Variants in CLSTN2 observed in about 807,000 individuals in gnomAD.
CLSTN2 encodes calsyntenin-2.
Under a neutral mutation model 101.2 loss-of-function variants are expected in CLSTN2, and 48 were observed. That is an observed-to-expected ratio of 0.47 (90% CI 0.38 to 0.60). The LOEUF is 0.60. Ranked by LOEUF, CLSTN2 falls within the 20% of genes least tolerant of loss-of-function variation. The pLI is 0.00. For synonymous variants in CLSTN2, 481 were observed against 463.6 expected (o/e 1.04, Z -0.48); for missense variants, 1,160 against 1,238.2 (o/e 0.94, Z 0.95).
chr3:140,028,570 T>C (rs764431089), intron 1 of CLSTN2, among the ~76,000 whole-genome samples: 12 of 152,030 alleles, frequency 7.9e-5, no homozygotes, highest in Non-Finnish European at 1.5e-4. Flanking sequence ...GAAAAGGAAT[T>C]TGGGGCAGAG....
intron 1 of CLSTN2, among the ~76,000 whole-genome samples, chr3:140,043,268 T>C (rs957181160): frequency 6.6e-6 from 1 of 152,238 alleles, no homozygotes; most frequent in African/African-American, 2.4e-5. Context: ...ATTTCTCTGA[T>C]GGCCAGTGAT....
intron 9 of CLSTN2, among the ~76,000 whole-genome samples, chr3:140,533,447 C>A (rs1392130585): frequency 6.6e-6 from 1 of 152,108 alleles, no homozygotes; most frequent in South Asian, 2.1e-4. Flanking sequence ...CAGTGGCTCA[C>A]GCCTGTAATC....
chr3:140,123,161 CAGGGCGGGGGGGTGG>C (rs1480098451), intron 1 of CLSTN2, among the ~76,000 whole-genome samples: 1 of 56,102 alleles, frequency 1.8e-5, no homozygotes, highest in African/African-American at 9.0e-5. Context: ...CTGTGTCCTC[CAGGGCGGGGGGGTGG>C]GGGGCGGGAC....
intron 1 of CLSTN2, among the ~76,000 whole-genome samples, chr3:139,989,658 A>G (rs1268305705): frequency 6.6e-6 from 1 of 152,154 alleles, no homozygotes; most frequent in Non-Finnish European, 1.5e-5. Flanking sequence ...ATCAATTGAG[A>G]TAATGTACTC....
chr3:140,039,999 T>G (rs996250049), intron 1 of CLSTN2, among the ~76,000 whole-genome samples: 3 of 152,218 alleles, frequency 2.0e-5, no homozygotes, highest in Admixed American at 6.5e-5. Flanking sequence ...GCTCTCATAT[T>G]AATTACAATT....
chr3:140,518,612 T>C (rs188583302), intron 8 of CLSTN2, among the ~76,000 whole-genome samples: 1 of 152,182 alleles, frequency 6.6e-6, no homozygotes, highest in Admixed American at 6.5e-5. Flanking sequence ...CAGGGGCAGA[T>C]GATTCCTTTT....
chr3:140,215,158 T>C (rs1361140702), intron 2 of CLSTN2, among the ~76,000 whole-genome samples: 1 of 152,102 alleles, frequency 6.6e-6, no homozygotes, highest in Non-Finnish European at 1.5e-5. Flanking sequence ...GGCTTTGCCG[T>C]CTTTCTCTCC....
chr3:140,124,961 T>G (rs1197484375), intron 1 of CLSTN2, among the ~76,000 whole-genome samples: 1 of 152,140 alleles, frequency 6.6e-6, no homozygotes, highest in African/African-American at 2.4e-5. Flanking sequence ...ACCAAGTGAC[T>G]GTGGTGACAG....
intron 2 of CLSTN2, among the ~76,000 whole-genome samples, chr3:140,349,167 G>A (rs2087581522): frequency 6.6e-6 from 1 of 152,210 alleles, no homozygotes; most frequent in African/African-American, 2.4e-5. Flanking sequence ...ATCATGTGAA[G>A]AAGGATGTGT....
intron 1 of CLSTN2, among the ~76,000 whole-genome samples, chr3:140,076,113 A>G (rs1349668074): frequency 6.6e-6 from 1 of 151,864 alleles, no homozygotes; most frequent in African/African-American, 2.4e-5. Context: ...GGCCTTCTGT[A>G]TGTGTTTGAC....
chr3:140,130,584 C>T (rs180899143), intron 1 of CLSTN2, among the ~76,000 whole-genome samples: 2 of 152,118 alleles, frequency 1.3e-5, no homozygotes, highest in East Asian at 3.9e-4. Context: ...ATACAAGAGC[C>T]CCTGCTGCTT....
At position 140,237,484 on chromosome 3, in the gene CLSTN2, C is replaced by T. The variant is rs190577057; in HGVS notation, c.232+61411C>T. 5.1e-4 allele frequency among the ~76,000 whole-genome samples: 78 copies of T among 152,218 alleles called. 1 individual carries two copies. Among genetic ancestry groups the T allele is most frequent in the African/African-American group, 1.8e-3 (74 of 41,562 alleles). On this transcript the variant is annotated intron_variant, in intron 2 of 16. Transcript: ENST00000458420. ...CTTCTGGAGATCTCCATGGTTGTCT[C>T]GCTATGCGTCTCCTTCCTCTCTTAC...
At chr3:140,427,227 G>A (rs1194212497) in intron 5 of CLSTN2, among the ~76,000 whole-genome samples, 9,476 of 66,566 alleles carry the variant, frequency 0.14, 627 homozygotes, top group African/African-American at 0.23. Flanking sequence ...ATATATATGT[G>A]TGTATATATA....
intron 1 of CLSTN2, among the ~76,000 whole-genome samples, chr3:140,115,822 A>G (rs892673485): frequency 6.6e-6 from 1 of 152,234 alleles, no homozygotes; most frequent in African/African-American, 2.4e-5. Flanking sequence ...TTCATTCTTC[A>G]GGAAATAAAA....
chr3:140,262,724 G>A (rs1331271026), intron 2 of CLSTN2, among the ~76,000 whole-genome samples: 1 of 152,158 alleles, frequency 6.6e-6, no homozygotes, highest in Non-Finnish European at 1.5e-5. Context: ...ATGGCCATGA[G>A]AATGAGTGGC....
chr3:140,021,033 C>CA (rs1472186859), intron 1 of CLSTN2, among the ~76,000 whole-genome samples: 1 of 151,958 alleles, frequency 6.6e-6, no homozygotes, highest in Non-Finnish European at 1.5e-5. Flanking sequence ...TATTTAGAAA[C>CA]AAAACAAAGA....
chr3:140,132,317 CCTT>C (rs767011902), intron 1 of CLSTN2, among the ~76,000 whole-genome samples: 1 of 152,084 alleles, frequency 6.6e-6, no homozygotes, highest in African/African-American at 2.4e-5. Flanking sequence ...TATGCACCTT[CCTT>C]CTTATTTTTT....
Position 139,935,876 on chromosome 3 carries a change from G to T in CLSTN2, c.109+393G>T, listed in dbSNP as rs1935011508. On this transcript the variant is annotated intron_variant, in intron 1 of 16. Transcript: ENST00000458420. This position sits in a 1 kb window ranked among gnomAD's most constrained non-coding sequence, Gnocchi z 5.5. ...CTCCTGCCTGGGGGAAGGATCAGCG[G>T]CGGTGCTTTCAAGGAGGGAGCCGAG... Among the ~76,000 whole-genome samples the T allele has an allele frequency of 6.6e-6, 1 of 152,110 alleles. No homozygotes were observed. Among genetic ancestry groups the T allele is most frequent in the Non-Finnish European group, 1.5e-5 (1 of 68,016 alleles).
In CLSTN2 at chr3:140,573,919, G is replaced by A. The variant is rs1466232489; in HGVS notation, c.*7666G>A. 2 of 152,498 alleles carry A rather than the reference G, an allele frequency of 1.3e-5. No homozygotes were observed. The highest frequency in any genetic ancestry group is 2.9e-5 in the Non-Finnish European group (2 of 68,310). 9.4% of individuals were successfully genotyped at this position (152,498 alleles called of 1,614,324 possible). On this transcript the variant is annotated 3_prime_UTR_variant, in exon 17 of 17. Transcript: ENST00000458420. Reference sequence around the variant, plus strand: ...CAGGACCCCGCCCCCATGAGAACATGCAGTTGAATGATGTGGTGCCTGGCC... The same window carrying A: ...CAGGACCCCGCCCCCATGAGAACATACAGTTGAATGATGTGGTGCCTGGCC...
Sources: allele counts gnomAD v4.1 joint callset (sites outside exome capture counted in the v4.1 genomes callset), GRCh38; gene constraint gnomAD v4.1.1; non-coding constraint Gnocchi (gnomAD v3.1); transcripts MANE v1.5; gene names NCBI Gene and HGNC (gene_info 2026-07-23, HGNC 2026-07-21).